Variants in LMX1B observed in about 807,000 individuals in gnomAD.
LMX1B encodes LIM homeobox transcription factor 1 beta.
Under a neutral mutation model 51.4 loss-of-function variants are expected in LMX1B, and 12 were observed. The observed-to-expected ratio is 0.23, with a 90% CI of 0.15 to 0.38. The LOEUF (loss-of-function observed/expected upper bound fraction) is 0.38, where lower values mean the gene tolerates loss of function less well. LMX1B is among the 10% of genes least tolerant of loss of function. The pLI, the probability that LMX1B is intolerant of heterozygous loss-of-function variation, is 1.00. For synonymous variants in LMX1B, 237 were observed against 235.4 expected (o/e 1.01, Z -0.06); for missense variants, 445 against 571.1 (o/e 0.78, Z 2.25).
chr9:126,643,407 G>A (rs1835842415), intron 2 of LMX1B, among the ~76,000 whole-genome samples: 1 of 152,152 alleles, frequency 6.6e-6, no homozygotes, highest in African/African-American at 2.4e-5. Context: ...GTGTGACCCT[G>A]GCTCAGTCAC....
At chr9:126,693,887 G>A in intron 6 of LMX1B, 75 bp downstream of exon 6, 1 of 733,996 alleles carries the variant, frequency 1.4e-6, no homozygotes, top group Non-Finnish European at 2.3e-6. Flanking sequence ...AGGCCAGGGT[G>A]AGCTGGGGCA....
rs753726418 is a variant in LMX1B, at chr9:126,695,998, C to A, written c.1046C>A (p.Pro349His). 6.2e-7 allele frequency: 1 copy of A among 1,605,054 alleles called. No homozygotes were observed. The highest frequency in any genetic ancestry group is 8.5e-7 in the Non-Finnish European group (1 of 1,176,136). The change falls in exon 7 of 8, where the codon CCC becomes CAC. Residue 349 changes from proline (P) to histidine (H), a missense_variant. Physicochemically the swap from Pro to His is moderately conservative, Grantham distance 77. This residue lies in a region of LMX1B where 162 missense variants were observed against 187.8 expected (regional missense o/e 0.86). Transcript: ENST00000373474. The surrounding 1 kb of genome is among the most constrained non-coding windows in gnomAD (Gnocchi z 5.2). ...CAAATGCCAGGTGACCACATGAACC[C>A]CTATGGTAAGCCGCCCTACCCCCAC... ...PPQMPGDHMNPYGNDSIFHDI... is the reference protein window; with the variant it reads ...PPQMPGDHMNHYGNDSIFHDI...
chr9:126,687,478 C>T (rs1209018123), intron 2 of LMX1B, among the ~76,000 whole-genome samples: 1 of 152,172 alleles, frequency 6.6e-6, no homozygotes, highest in Non-Finnish European at 1.5e-5. Flanking sequence ...GATCCGCCCG[C>T]CTCAGCCTCC....
rs1260157660 is a variant in LMX1B, at chr9:126,671,851, C to CA, written c.327-18984dup. Among the ~76,000 whole-genome samples, 2 of 152,234 alleles carry CA rather than the reference C, an allele frequency of 1.3e-5. No individual in the cohort carries two copies. The highest frequency in any genetic ancestry group is 2.9e-5 in the Non-Finnish European group (2 of 68,034). ...CCCAGCGGCCCAGAGGCCACTTGGC[C>CA]AGGCCTCCACTCCCCTCCCTCCAGA... On this transcript the variant is annotated intron_variant, in intron 2 of 7. Transcript: ENST00000373474. This position sits in a 1 kb window ranked among gnomAD's most constrained non-coding sequence, Gnocchi z 4.4.
chr9:126,661,219 T>TGGACGCCCCACGCAGGGTGACCTCC (rs1564158762), intron 2 of LMX1B, among the ~76,000 whole-genome samples: 2 of 148,214 alleles, frequency 1.3e-5, no homozygotes, highest in South Asian at 2.1e-4. Flanking sequence ...GGGCGACCTC[T>TGGACGCCCCACGCAGGGTGACCTCC]CAGGCCAGCG....
chr9:126,682,308 G>A (rs77618155), intron 2 of LMX1B, among the ~76,000 whole-genome samples: 1 of 151,782 alleles, frequency 6.6e-6, no homozygotes, highest in Non-Finnish European at 1.5e-5. Context: ...CCCAGGTGTC[G>A]GCTGGAATGT....
chr9:126,688,600 C>T (rs1286296217), intron 2 of LMX1B, among the ~76,000 whole-genome samples: 1 of 152,240 alleles, frequency 6.6e-6, no homozygotes, highest in Non-Finnish European at 1.5e-5. Context: ...TCCTCAGCCC[C>T]TCGGGAGAGC....
chr9:126,655,655 G>C (rs1836103027), intron 2 of LMX1B, among the ~76,000 whole-genome samples: 1 of 152,158 alleles, frequency 6.6e-6, no homozygotes. Flanking sequence ...ATCAACCTTG[G>C]GTGAATCACT....
intron 3 of LMX1B, among the ~76,000 whole-genome samples, chr9:126,692,914 C>T (rs1006981561): frequency 6.6e-6 from 1 of 152,150 alleles, no homozygotes; most frequent in Non-Finnish European, 1.5e-5. Flanking sequence ...GCGTGTGTGC[C>T]GGGGAAGGGA....
At chr9:126,648,869 C>T (rs142255605) in intron 2 of LMX1B, among the ~76,000 whole-genome samples, 384 of 152,264 alleles carry the variant, frequency 2.5e-3, no homozygotes, top group African/African-American at 8.9e-3. Flanking sequence ...CTTGCAGCCT[C>T]CTCTGCACGT....
chr9:126,664,926 A>T (rs1327739153), intron 2 of LMX1B, among the ~76,000 whole-genome samples: 1 of 152,230 alleles, frequency 6.6e-6, no homozygotes, highest in Non-Finnish European at 1.5e-5. Flanking sequence ...CCTTGACCAA[A>T]GTAATTCAGC....
At position 126,700,666 on chromosome 9, in the gene LMX1B, A is replaced by T. The variant is rs1428588010; in HGVS notation, c.*4215A>T. The T allele has an allele frequency of 6.6e-6, 1 of 152,166 alleles. No homozygotes were observed. Among genetic ancestry groups the T allele is most frequent in the Non-Finnish European group, 1.5e-5 (1 of 68,052 alleles). The allele number at this position is 152,166 out of a possible 1,614,324, so 9.4% of individuals were successfully genotyped here. ...GCACATGTGGCCTGGGGACTGGGGG[A>T]GCAGGAAAGACCCCTCCAACATTTG... On this transcript the variant is annotated 3_prime_UTR_variant, in exon 8 of 8. Coordinates refer to ENST00000373474, the MANE Select transcript of LMX1B (RefSeq NM_001174147.2).
chr9:126,649,539 T>A (rs757973230), intron 2 of LMX1B, among the ~76,000 whole-genome samples: 11 of 152,242 alleles, frequency 7.2e-5, no homozygotes, highest in Non-Finnish European at 1.6e-4. Flanking sequence ...GAGTCTGGGC[T>A]GGGGCCCAAG....
intron 2 of LMX1B, among the ~76,000 whole-genome samples, chr9:126,682,720 C>T (rs574964203): frequency 1.3e-5 from 2 of 152,102 alleles, no homozygotes; most frequent in African/African-American, 4.8e-5. Flanking sequence ...CATGGTGAAA[C>T]CCCATCTCTA....
At position 126,643,466 on chromosome 9, in the gene LMX1B, G is replaced by A. The variant is rs114273013; in HGVS notation, c.326+27897G>A. Among the ~76,000 whole-genome samples, 845 of 152,256 alleles carry A rather than the reference G, an allele frequency of 5.5e-3. 9 individuals carry two copies. Among genetic ancestry groups the A allele is most frequent in the African/African-American group, 0.019 (800 of 41,540 alleles). On this transcript the variant is annotated intron_variant, in intron 2 of 7. Transcript: ENST00000373474. ...ACTCACAAAACCTCTCTGAACCTCC[G>A]TTGCCTCCTCTCTAACTGGGGAGCA...
intron 2 of LMX1B, among the ~76,000 whole-genome samples, chr9:126,659,494 A>C (rs1836188068): frequency 6.6e-6 from 1 of 152,238 alleles, no homozygotes; most frequent in Non-Finnish European, 1.5e-5. Flanking sequence ...CTCTCCACAC[A>C]TTCTCAGGCC....
At chr9:126,654,751 G>A (rs759641514) in intron 2 of LMX1B, among the ~76,000 whole-genome samples, 6 of 152,316 alleles carry the variant, frequency 3.9e-5, no homozygotes, top group South Asian at 2.1e-4. Flanking sequence ...AGCATGCCAC[G>A]GAGAGCCAGG....
chr9:126,662,656 G>C (rs904570412), intron 2 of LMX1B, among the ~76,000 whole-genome samples: 2 of 152,206 alleles, frequency 1.3e-5, no homozygotes, highest in Admixed American at 6.5e-5. Context: ...TGGAAGTGTG[G>C]GCTGGGCTGG....
chr9:126,620,499 G>A (rs1004341204), intron 2 of LMX1B, among the ~76,000 whole-genome samples: 1 of 152,198 alleles, frequency 6.6e-6, no homozygotes, highest in Non-Finnish European at 1.5e-5. Flanking sequence ...TGCACCTCAA[G>A]AGAGGTGGAA....
Sources: gnomAD v4.1 joint callset for allele counts (sites outside exome capture counted in the v4.1 genomes callset) on GRCh38, gnomAD v4.1.1 for gene constraint, gnomAD v4.1.1 regional missense constraint, Gnocchi (gnomAD v3.1) non-coding constraint, MANE v1.5 for transcripts, NCBI Gene and HGNC (gene_info 2026-07-23, HGNC 2026-07-21) for gene names.